Variants in TMEM141 observed in about 807,000 individuals in gnomAD.
TMEM141 encodes the protein transmembrane protein 141.
In TMEM141, 18 loss-of-function variants were observed where a neutral mutation model predicts 15.9. The ratio of observed to expected loss-of-function variants is 1.13; its 90% confidence interval spans 0.78 to 1.68. TMEM141 has a LOEUF of 1.68. Ranked by LOEUF, TMEM141 falls within the 40% of genes most tolerant of loss-of-function variation. TMEM141 has a pLI of 0.00. For missense variants in TMEM141, 161 were observed against 139.5 expected (o/e 1.15, Z -0.78); for synonymous variants, 69 against 54.0 (o/e 1.28, Z -1.22).
chr9:136,791,867 C>T (rs918146095), intron 2 of TMEM141, 80 bp from the exon 3 acceptor site: 3 of 1,609,970 alleles, frequency 1.9e-6, no homozygotes, highest in Non-Finnish European at 2.5e-6. Flanking sequence ...AAGTCACCTG[C>T]CCGCAGGTGC....
chr9:136,793,155 T>G lies in TMEM141; in HGVS notation c.*323T>G. 1 of 209,430 alleles carries G rather than the reference T, an allele frequency of 4.8e-6. No homozygotes were observed. Among genetic ancestry groups the G allele is most frequent in the Non-Finnish European group, 9.5e-6 (1 of 105,116 alleles). 13.0% of individuals were successfully genotyped at this position (209,430 alleles called of 1,614,324 possible). A position where few individuals can be genotyped will look rare whatever the true frequency, so the allele number is the denominator to read the frequency against. ...TGGGACACGGGGTCGAAGGGGCCTGTACACTCTGTCATTTCCTTTCTAGCC... is the reference window on the plus strand; with the variant it reads ...TGGGACACGGGGTCGAAGGGGCCTGGACACTCTGTCATTTCCTTTCTAGCC... On this transcript the variant is annotated 3_prime_UTR_variant, in exon 5 of 5. Coordinates refer to ENST00000290079, the MANE Select transcript of TMEM141 (RefSeq NM_032928.4).
In TMEM141 at chr9:136,792,263, T is replaced by G. The variant is rs1207642465; in HGVS notation, c.218T>G (p.Val73Gly). ...SLLVAVVAGSVVSYGVTRVES... is the reference protein window; with the variant it reads ...SLLVAVVAGSGVSYGVTRVES... Reference sequence around the variant, plus strand: ...TCCTGCTCCACAGTTGCAGGCTCTGTGGTCAGCTACGGGGTGACGAGAGTG... The same window carrying G: ...TCCTGCTCCACAGTTGCAGGCTCTGGGGTCAGCTACGGGGTGACGAGAGTG... The change falls in exon 4 of 5, where the codon GTG becomes GGG. Residue 73 changes from valine to glycine, a missense_variant. By Grantham distance (109) the Val-to-Gly change is moderately radical. Coordinates refer to ENST00000290079, the MANE Select transcript of TMEM141 (RefSeq NM_032928.4). 1 of 1,583,854 alleles carries G rather than the reference T, an allele frequency of 6.3e-7. No individual in the cohort carries two copies. Among genetic ancestry groups the G allele is most frequent in the African/African-American group, 1.3e-5 (1 of 74,214 alleles).
At position 136,793,122 on chromosome 9, in the gene TMEM141, A is replaced by T; in HGVS notation, c.*290A>T. ...AGCAGAGAGGGTGTGTCTGGGGGCC[A>T]CCACCTATGGGACACGGGGTCGAAG... On this transcript the variant is annotated 3_prime_UTR_variant, in exon 5 of 5. Transcript: ENST00000290079. The T allele has an allele frequency of 3.8e-6, 1 of 266,544 alleles. No homozygotes were observed. Among genetic ancestry groups the T allele is most frequent in the Non-Finnish European group, 7.0e-6 (1 of 142,356 alleles). The allele number at this position is 266,544 out of a possible 1,614,324, so 16.5% of individuals were successfully genotyped here.
chr9:136,791,818 A>C (rs1233878934), intron 2 of TMEM141, 41 bp downstream of exon 2: 2 of 1,608,370 alleles, frequency 1.2e-6, no homozygotes, highest in Middle Eastern at 1.7e-4. Flanking sequence ...GAGAGAACGC[A>C]CCCTCCCGCC....
intron 4 of TMEM141, among the ~76,000 whole-genome samples, chr9:136,792,575 G>A (rs1847602045): frequency 6.6e-6 from 1 of 152,222 alleles, no homozygotes; most frequent in Non-Finnish European, 1.5e-5. Context: ...AACCAAGAGG[G>A]GCTGGGGTGC....
chr9:136,791,436 G>T lies in TMEM141; in HGVS notation c.54+12G>T, dbSNP rs200755673. ...CTGCCAAGCACCCGGTGAGAAGGCC[G>T]GTCTGGGACGCGGGCCTCAAACCCC... On this transcript the variant is annotated intron_variant, in intron 1 of 4. Coordinates refer to ENST00000290079, the MANE Select transcript of TMEM141 (RefSeq NM_032928.4). The T allele has an allele frequency of 1.3e-6, 2 of 1,553,030 alleles. No homozygotes were observed. The highest frequency in any genetic ancestry group is 4.9e-5 in the East Asian group (2 of 41,116).
At chr9:136,791,486 G>A (rs1847589318) in intron 1 of TMEM141, 62 bp downstream of exon 1, 1 of 1,548,414 alleles carries the variant, frequency 6.5e-7, no homozygotes, top group Non-Finnish European at 8.7e-7. Context: ...GCGAGGCGGG[G>A]GGCCGGGGCG....
chr9:136,791,847 A>AG lies in TMEM141; in HGVS notation c.121+75dup, dbSNP rs572091750. 8.0e-3 allele frequency: 12,918 copies of AG among 1,607,848 alleles called. 66 individuals carry two copies. The highest frequency in any genetic ancestry group is 9.9e-3 in the Non-Finnish European group (11,697 of 1,176,434). ...TCCCGCCCTGCCCTGACTCCCCAGC[A>AG]GGGGGCGCCAAGTCACCTGCCCGCA... is the stretch of plus-strand genomic sequence containing the variant. On this transcript the variant is annotated intron_variant, in intron 2 of 4. Coordinates refer to ENST00000290079, the MANE Select transcript of TMEM141 (RefSeq NM_032928.4).
Position 136,792,284 on chromosome 9 carries a change from G to C in TMEM141, c.239G>C (p.Arg80Thr). The change falls in exon 4 of 5, where the codon AGA (arginine) becomes ACA (threonine). Residue 80 changes from arginine (R) to threonine (T), a missense_variant. Physicochemically the swap from Arg to Thr is moderately conservative, Grantham distance 71. Coordinates refer to ENST00000290079, the MANE Select transcript of TMEM141 (RefSeq NM_032928.4). ...AGSVVSYGVT[R>T]VESEKCNNLW... The stretch of plus-strand genomic sequence containing the variant: ...TCTGTGGTCAGCTACGGGGTGACGA[G>C]AGTGGAGTCGGAGAAATGCAACAAC... 1.9e-6 allele frequency: 3 copies of C among 1,589,092 alleles called. No individual in the cohort carries two copies. Among genetic ancestry groups the C allele is most frequent in the Non-Finnish European group, 2.6e-6 (3 of 1,167,302 alleles).
At position 136,791,423 on chromosome 9, in the gene TMEM141, C is replaced by T. The variant is rs746612112; in HGVS notation, c.53C>T (p.Pro18Leu). ...GACGACGCCGTGGCTGCCAAGCACC[C>T]GGTGAGAAGGCCGGTCTGGGACGCG... ...RVDDAVAAKH[P>L]GLGEYAACQS... is the part of the protein sequence containing the mutation. Residue 18 changes from proline (P) to leucine (L), a missense_variant and splice_region_variant, in exon 1 of 5, where the codon CCG becomes CTG. Physicochemically the swap from Pro to Leu is moderately conservative, Grantham distance 98 (BLOSUM62 -3). Transcript: ENST00000290079. The T allele has an allele frequency of 3.2e-6, 5 of 1,557,214 alleles. No individual in the cohort carries two copies. The highest frequency in any genetic ancestry group is 2.4e-5 in the South Asian group (2 of 84,904).
chr9:136,791,362 C>G lies in TMEM141; in HGVS notation c.-9C>G, dbSNP rs770808722. 71 of 1,557,792 alleles carry G rather than the reference C, an allele frequency of 4.6e-5. 1 individual carries two copies. The East Asian group carries it at 1.6e-3, about 36-fold the overall frequency. On this transcript the variant is annotated 5_prime_UTR_variant, in exon 1 of 5. Transcript: ENST00000290079. ...CCTGCGCAGGCCCGCTCCCCGAGCC[C>G]TGCCAACCATGGTGAACTTGGGTCT...
chr9:136,792,915 C>A lies in TMEM141; in HGVS notation c.*83C>A. On this transcript the variant is annotated 3_prime_UTR_variant, in exon 5 of 5. Transcript: ENST00000290079. ...TCATGCCCCCTGACCCCAGGCCGAC[C>A]CTCCCCACACCCTAGGGTACCCCAG... 7.0e-7 allele frequency: 1 copy of A among 1,420,738 alleles called. No homozygotes were observed. The highest frequency in any genetic ancestry group is 9.2e-7 in the Non-Finnish European group (1 of 1,081,600). The allele number at this position is 1,420,738 out of a possible 1,614,324, so 88.0% of individuals were successfully genotyped here.
chr9:136,791,937 C>A lies in TMEM141; in HGVS notation c.122-10C>A, dbSNP rs1261133429. On this transcript the variant is annotated splice_polypyrimidine_tract_variant and intron_variant, in intron 2 of 4. Transcript: ENST00000290079. ...GGGTACAGGTTGATGGGGACCTCGG[C>A]TCTTTGCAGGCACCGGCATGGCCTT... 41 of 1,613,996 alleles carry A rather than the reference C, an allele frequency of 2.5e-5. No individual in the cohort carries two copies. The highest frequency in any genetic ancestry group is 3.5e-5 in the Non-Finnish European group (41 of 1,180,016).
rs1341255120 is a variant in TMEM141 at position 136,792,031 on chromosome 9, G to T, written c.205+1G>T. On this transcript the variant is annotated splice_donor_variant, in intron 3 of 4. Transcript: ENST00000290079. LOFTEE classifies it high-confidence loss of function. The stretch of plus-strand genomic sequence containing the variant: ...CAGTGGAGCCTCCTAGTGGCCGTGG[G>T]TGGGTACTCCAGGGCCCCTGCCTGG... 1.2e-6 allele frequency: 2 copies of T among 1,613,746 alleles called. No homozygotes were observed. The highest frequency in any genetic ancestry group is 1.7e-6 in the Non-Finnish European group (2 of 1,179,958).
At position 136,792,981 on chromosome 9, in the gene TMEM141, A is replaced by C; in HGVS notation, c.*149A>C. ...GCATGTGTGGCCAGGCCTGACAAAC[A>C]CCTGCAGATGGCTGCTGCCCCAACC... On this transcript the variant is annotated 3_prime_UTR_variant, in exon 5 of 5. Coordinates refer to ENST00000290079, the MANE Select transcript of TMEM141 (RefSeq NM_032928.4). 1.8e-6 allele frequency: 2 copies of C among 1,111,046 alleles called. No individual in the cohort carries two copies. The highest frequency in any genetic ancestry group is 2.3e-6 in the Non-Finnish European group (2 of 870,454). The allele number at this position is 1,111,046 out of a possible 1,614,324, so 68.8% of individuals were successfully genotyped here.
Position 136,792,833 on chromosome 9 carries a change from G to C in TMEM141, c.*1G>C, listed in dbSNP as rs747400151. ...GCCTTTTACAGATCAGAGAAGCTAG[G>C]AGAGCTCCAGCAGGGGCACAGAGGA... On this transcript the variant is annotated 3_prime_UTR_variant, in exon 5 of 5. Coordinates refer to ENST00000290079, the MANE Select transcript of TMEM141 (RefSeq NM_032928.4). 17 of 1,566,434 alleles carry C rather than the reference G, an allele frequency of 1.1e-5. No individual in the cohort carries two copies. Among genetic ancestry groups the C allele is most frequent in the Non-Finnish European group, 1.4e-5 (16 of 1,155,554 alleles).
chr9:136,791,439 CTGGGACGCGGGCCTCAAACCCCAGAAGCT>C lies in TMEM141; in HGVS notation c.54+16_54+44del. On this transcript the variant is annotated intron_variant, in intron 1 of 4. Coordinates refer to ENST00000290079, the MANE Select transcript of TMEM141 (RefSeq NM_032928.4). Reference sequence around the variant, plus strand: ...CCAAGCACCCGGTGAGAAGGCCGGTCTGGGACGCGGGCCTCAAACCCCAGAAGCTGACCTGAGCGAGGCGGGGGGCCGGG... The same window carrying C: ...CCAAGCACCCGGTGAGAAGGCCGGTCGACCTGAGCGAGGCGGGGGGCCGGG... 1 of 1,552,688 alleles carries C rather than the reference CTGGGACGCGGGCCTCAAACCCCAGAAGCT, an allele frequency of 6.4e-7. No individual in the cohort carries two copies. Among genetic ancestry groups the C allele is most frequent in the Non-Finnish European group, 8.7e-7 (1 of 1,148,230 alleles).
In TMEM141 at chr9:136,791,958, G is replaced by A; in HGVS notation, c.133G>A (p.Ala45Thr). ...VFTFVTGTGM[A>T]FGLQMFIQRK... ...TCGGCTCTTTGCAGGCACCGGCATG[G>A]CCTTTGGCTTGCAGATGTTCATTCA... is the stretch of plus-strand genomic sequence containing the variant. Residue 45 changes from alanine to threonine, a missense_variant, in exon 3 of 5, where the codon GCC becomes ACC. Physicochemically the swap from Ala to Thr is moderately conservative, Grantham distance 58. Transcript: ENST00000290079. The A allele has an allele frequency of 1.2e-6, 2 of 1,614,132 alleles. No individual in the cohort carries two copies. Among genetic ancestry groups the A allele is most frequent in the Non-Finnish European group, 1.7e-6 (2 of 1,180,022 alleles).
chr9:136,792,264 G>C lies in TMEM141; in HGVS notation c.219G>C (p.Val73=). 6.3e-7 allele frequency: 1 copy of C among 1,584,106 alleles called. No homozygotes were observed. Among genetic ancestry groups the C allele is most frequent in the East Asian group, 2.3e-5 (1 of 43,484 alleles). The change falls in exon 4 of 5, where the codon GTG becomes GTC. Residue 73 remains valine (V), a synonymous_variant. Coordinates refer to ENST00000290079, the MANE Select transcript of TMEM141 (RefSeq NM_032928.4). ...SLLVAVVAGS[V]VSYGVTRVES... ...CCTGCTCCACAGTTGCAGGCTCTGTGGTCAGCTACGGGGTGACGAGAGTGG... is the reference window on the plus strand; with the variant it reads ...CCTGCTCCACAGTTGCAGGCTCTGTCGTCAGCTACGGGGTGACGAGAGTGG...
Sources: gnomAD v4.1 joint callset for allele counts (sites outside exome capture counted in the v4.1 genomes callset) on GRCh38, gnomAD v4.1.1 for gene constraint, MANE v1.5 for transcripts, NCBI Gene and HGNC (gene_info 2026-07-23, HGNC 2026-07-21) for gene names.